The following RNLS variants were observed in gnomAD, a reference collection of about 807,000 sequenced individuals.
RNLS encodes renalase.
In RNLS, 39 loss-of-function variants were observed where a neutral mutation model predicts 39.8. The observed-to-expected ratio is 0.98, with a 90% CI of 0.76 to 1.28. The LOEUF (loss-of-function observed/expected upper bound fraction) is 1.28, where lower values mean the gene tolerates loss of function less well. RNLS is among the 50% of genes most tolerant of loss of function. The pLI, the probability that RNLS is intolerant of heterozygous loss-of-function variation, is 0.00. For synonymous variants in RNLS, 147 were observed against 150.7 expected, an observed-to-expected ratio of 0.98 and a Z score of 0.18; for missense variants, 410 against 413.3, an observed-to-expected ratio of 0.99 and a Z score of 0.07.
intron 4 of RNLS, among the ~76,000 whole-genome samples, chr10:88,383,079 T>C (rs1307051022): frequency 6.6e-6 from 1 of 152,140 alleles, no homozygotes; most frequent in Non-Finnish European, 1.5e-5. Flanking sequence ...TCATGTGTAA[T>C]TGAAACAGTA....
At chr10:88,444,440 C>A (rs1841921440) in intron 4 of RNLS, among the ~76,000 whole-genome samples, 1 of 152,190 alleles carries the variant, frequency 6.6e-6, no homozygotes, top group Admixed American at 6.5e-5. Context: ...GAACGCAGCT[C>A]CTCACCAGCA....
chr10:88,516,693 C>G (rs1005785651), intron 4 of RNLS, among the ~76,000 whole-genome samples: 6 of 152,030 alleles, frequency 3.9e-5, no homozygotes, highest in East Asian at 3.9e-4. Flanking sequence ...AGATGCTTTT[C>G]TTAGAAAATG....
intron 4 of RNLS, among the ~76,000 whole-genome samples, chr10:88,561,551 T>A: frequency 6.6e-6 from 1 of 152,244 alleles, no homozygotes; most frequent in Admixed American, 6.5e-5. Flanking sequence ...TATATAAACA[T>A]ATATTCCATA....
chr10:88,298,327 T>A (rs1844240277), intron 6 of RNLS, among the ~76,000 whole-genome samples: 1 of 152,198 alleles, frequency 6.6e-6, no homozygotes, highest in Non-Finnish European at 1.5e-5. Context: ...ACAAAAGTAT[T>A]GAATTTTGAT....
intron 6 of RNLS, among the ~76,000 whole-genome samples, chr10:88,289,265 T>C (rs1290668415): frequency 6.6e-6 from 1 of 152,166 alleles, no homozygotes; most frequent in African/African-American, 2.4e-5. Flanking sequence ...ACCAGGATCT[T>C]ACTTCCATTA....
chr10:88,196,825 A>G, the RNLS span, among the ~76,000 whole-genome samples: 1 of 152,316 alleles, frequency 6.6e-6, no homozygotes, highest in East Asian at 1.9e-4. Context: ...GTAATAGCCA[A>G]TTGATAAAAT....
chr10:88,319,253 T>TA (rs1158083819), intron 5 of RNLS, among the ~76,000 whole-genome samples: 1 of 151,222 alleles, frequency 6.6e-6, no homozygotes, highest in East Asian at 1.9e-4. Flanking sequence ...ACCCTCAAGA[T>TA]AAAAAAGAAT....
the RNLS span, among the ~76,000 whole-genome samples, chr10:88,201,306 C>T: frequency 3.3e-5 from 5 of 152,210 alleles, no homozygotes; most frequent in African/African-American, 1.2e-4. Flanking sequence ...GGTTTTAGTT[C>T]TTCTCTATTT....
At chr10:88,393,642 C>T (rs1086838) in intron 4 of RNLS, among the ~76,000 whole-genome samples, 75,197 of 151,708 alleles carry the variant, frequency 0.5, 18,659 homozygotes, top group African/African-American at 0.52. Flanking sequence ...GATTCAATGC[C>T]ATCCCCATCA....
intron 4 of RNLS, among the ~76,000 whole-genome samples, chr10:88,423,181 T>G (rs2133769543): frequency 6.6e-6 from 1 of 152,344 alleles, no homozygotes. Context: ...CCATCCTACA[T>G]GAAATCTAAT....
chr10:88,174,964 A>C, the RNLS span, among the ~76,000 whole-genome samples: 1 of 151,970 alleles, frequency 6.6e-6, no homozygotes, highest in African/African-American at 2.4e-5. Context: ...CAGGTATTCT[A>C]TTTCTTCCTA....
At chr10:88,360,444 T>C (rs1369994227) in intron 5 of RNLS, among the ~76,000 whole-genome samples, 1 of 152,218 alleles carries the variant, frequency 6.6e-6, no homozygotes, top group Non-Finnish European at 1.5e-5. Flanking sequence ...TTTATTGTTA[T>C]TATTTTTTGA....
chr10:88,397,631 T>C (rs753097197), intron 4 of RNLS, among the ~76,000 whole-genome samples: 5 of 151,424 alleles, frequency 3.3e-5, no homozygotes, highest in Non-Finnish European at 7.4e-5. Context: ...AGAATACAGA[T>C]AAACAAAATA....
At chr10:88,406,965 G>A (rs1282040264) in intron 4 of RNLS, among the ~76,000 whole-genome samples, 2 of 151,944 alleles carry the variant, frequency 1.3e-5, no homozygotes, top group Non-Finnish European at 2.9e-5. Context: ...ACCAAACATC[G>A]CGTGTTCTCA....
chr10:88,352,409 AG>A (rs1473912701), intron 5 of RNLS, among the ~76,000 whole-genome samples: 3 of 152,184 alleles, frequency 2.0e-5, no homozygotes, highest in Non-Finnish European at 2.9e-5. Flanking sequence ...TTTAGCATGA[AG>A]GGTTGTTGAA....
At chr10:88,529,426 A>G (rs1399920139) in intron 4 of RNLS, among the ~76,000 whole-genome samples, 2 of 152,210 alleles carry the variant, frequency 1.3e-5, no homozygotes, top group Non-Finnish European at 2.9e-5. Flanking sequence ...CAGTAACAAA[A>G]GTGGTTTGCT....
the RNLS span, among the ~76,000 whole-genome samples, chr10:88,172,933 T>G: frequency 1.5e-5 from 2 of 137,802 alleles, no homozygotes; most frequent in Non-Finnish European, 3.1e-5. Context: ...CTCGGCTCAC[T>G]GCAACCTCCA....
the RNLS span, among the ~76,000 whole-genome samples, chr10:88,235,371 AG>A: frequency 6.6e-6 from 1 of 152,164 alleles, no homozygotes; most frequent in African/African-American, 2.4e-5. Flanking sequence ...AAAGCAAACA[AG>A]CACGACTGAT....
chr10:88,268,279 G>T, the RNLS span, among the ~76,000 whole-genome samples: 1 of 152,098 alleles, frequency 6.6e-6, no homozygotes, highest in Admixed American at 6.5e-5. Context: ...AGCATCCCTG[G>T]CCTGTGTCCA....
Sources: gnomAD v4.1 joint callset for allele counts (sites outside exome capture counted in the v4.1 genomes callset) on GRCh38, gnomAD v4.1.1 for gene constraint, MANE v1.5 for transcripts, NCBI Gene and HGNC (gene_info 2026-07-23, HGNC 2026-07-21) for gene names.